The following MAMSTR variants were observed in gnomAD, a reference collection of about 807,000 sequenced individuals.
MAMSTR encodes the protein MEF2 activating motif and SAP domain containing transcriptional regulator, also known as MEF2-activating motif and SAP domain-containing transcriptional regulator.
Under a neutral mutation model 42.7 loss-of-function variants are expected in MAMSTR, and 41 were observed. The ratio of observed to expected loss-of-function variants is 0.96; its 90% CI spans 0.75 to 1.25. MAMSTR has a LOEUF of 1.25. MAMSTR is among the 50% of genes most tolerant of loss of function. The pLI, the probability that MAMSTR is intolerant of heterozygous loss-of-function variation, is 0.00. For missense variants in MAMSTR, 567 were observed against 557.6 expected, an observed-to-expected ratio of 1.02 and a Z score of -0.17; for synonymous variants, 265 against 244.1, an observed-to-expected ratio of 1.09 and a Z score of -0.80.
intron 3 of MAMSTR, among the ~76,000 whole-genome samples, chr19:48,716,246 C>T (rs979212068): frequency 6.6e-6 from 1 of 151,806 alleles, no homozygotes; most frequent in Non-Finnish European, 1.5e-5. Flanking sequence ...CGTGGTGGCA[C>T]GTGCCTGTAA....
At chr19:48,711,380 A>C (rs1016170099), downstream of MAMSTR, among the ~76,000 whole-genome samples, 1 of 152,166 alleles carries the variant, frequency 6.6e-6, no homozygotes, top group Non-Finnish European at 1.5e-5. Context: ...TGCCACACAC[A>C]TCTGATGTGC....
chr19:48,709,210 G>A (rs933881163), downstream of MAMSTR, among the ~76,000 whole-genome samples: 24 of 152,144 alleles, frequency 1.6e-4, no homozygotes, highest in Admixed American at 6.5e-5. Flanking sequence ...GTGCAGCGGC[G>A]TGATGTCGGC....
In MAMSTR at chr19:48,715,460, T is replaced by A; in HGVS notation, c.241-14A>T. The A allele has an allele frequency of 6.8e-7, 1 of 1,480,296 alleles. No homozygotes were observed. The allele number at this position is 1,480,296 out of a possible 1,614,324, so 91.7% of individuals were successfully genotyped here. ...CTTGGGAGACTCCTGAAAGAGCAGG[T>A]GTGATGTTTTAGGCTTCAGCGCGGC... is the stretch of plus-strand genomic sequence containing the variant. On this transcript the variant is annotated splice_polypyrimidine_tract_variant and intron_variant, in intron 4 of 9. Transcript: ENST00000318083.
In MAMSTR at chr19:48,718,996, G is replaced by A. The variant is rs1169524629; in HGVS notation, c.36C>T (p.Ile12=). 2 of 1,550,970 alleles carry A rather than the reference G, an allele frequency of 1.3e-6. No individual in the cohort carries two copies. The highest frequency in any genetic ancestry group is 1.7e-6 in the Non-Finnish European group (2 of 1,146,588). The stretch of plus-strand genomic sequence containing the variant: ...CACCAGATCGGAACTTGGAGCGAAT[G>A]ATTTGGGAACGCTGGGAGGAAGCCG... The part of the protein sequence containing the change: ...TLAASSQRSQ[I]IRSKFRSVLQ... Residue 12 remains isoleucine (I), a synonymous_variant, in exon 2 of 10, where the codon ATC becomes ATT. Transcript: ENST00000318083.
At position 48,713,396 on chromosome 19, in the gene MAMSTR, C is replaced by G. The variant is rs1191116107; in HGVS notation, c.1119G>C (p.Leu373=). Residue 373 remains leucine, a synonymous_variant, in exon 10 of 10, where the codon CTG becomes CTC. Coordinates refer to ENST00000318083, the MANE Select transcript of MAMSTR (RefSeq NM_001130915.2). Reference sequence around the variant, plus strand: ...CCCCGCTCAGGGCCTCCAGCCAGTCCAGGGAGTCCGTGGGGTCCCTGGGAG... The same window carrying G: ...CCCCGCTCAGGGCCTCCAGCCAGTCGAGGGAGTCCGTGGGGTCCCTGGGAG... The part of the protein sequence containing the change: ...SPSPRDPTDS[L]DWLEALSGGP... 6.2e-7 allele frequency: 1 copy of G among 1,613,190 alleles called. No individual in the cohort carries two copies. Among genetic ancestry groups the G allele is most frequent in the African/African-American group, 1.3e-5 (1 of 74,892 alleles).
At chr19:48,718,185 C>T (rs1427716586) in intron 2 of MAMSTR, among the ~76,000 whole-genome samples, 1 of 152,106 alleles carries the variant, frequency 6.6e-6, no homozygotes, top group Non-Finnish European at 1.5e-5. Context: ...CAGGGTTTGT[C>T]CCCCAATTTG....
Position 48,716,907 on chromosome 19 carries a change from G to C in MAMSTR, c.59-164C>G, listed in dbSNP as rs1009804922. 21 of 1,212,050 alleles carry C rather than the reference G, an allele frequency of 1.7e-5. No individual in the cohort carries two copies. In the South Asian group the frequency reaches 3.8e-4, roughly 22 times the overall value. 75.1% of individuals were successfully genotyped at this position (1,212,050 alleles called of 1,614,324 possible). A position where few individuals can be genotyped will look rare whatever the true frequency, so the allele number is the denominator to read the frequency against. ...GGGCGGGCAGCAGGCTCCCTTCCTC[G>C]GGCCTCCCGCCTGCTCCCTGCCAGC... On this transcript the variant is annotated intron_variant, in intron 2 of 9. Transcript: ENST00000318083.
At chr19:48,716,540 T>C (rs1300033005) in intron 3 of MAMSTR, among the ~76,000 whole-genome samples, 165 bp downstream of exon 3, 5 of 152,214 alleles carry the variant, frequency 3.3e-5, no homozygotes, top group South Asian at 4.1e-4. Flanking sequence ...GCCAGAGACC[T>C]GGACCCTGGA....
chr19:48,713,708 G>A lies in MAMSTR; in HGVS notation c.964+8C>T, dbSNP rs2032830061. 6.2e-7 allele frequency: 1 copy of A among 1,614,176 alleles called. No individual in the cohort carries two copies. Among genetic ancestry groups the A allele is most frequent in the Non-Finnish European group, 8.5e-7 (1 of 1,180,014 alleles). ...CACCTCCCCTAAATCTAGCAGTTTG[G>A]ATCCTACCATCAGGCTCCACCTGAT... On this transcript the variant is annotated splice_region_variant and intron_variant, in intron 9 of 9. Coordinates refer to ENST00000318083, the MANE Select transcript of MAMSTR (RefSeq NM_001130915.2).
intron 2 of MAMSTR, among the ~76,000 whole-genome samples, chr19:48,717,460 AT>A (rs2033087674): frequency 6.9e-6 from 1 of 145,930 alleles, no homozygotes; most frequent in South Asian, 2.2e-4. Flanking sequence ...GACTACCTAA[AT>A]TTTTTTGTTT....
downstream of MAMSTR, among the ~76,000 whole-genome samples, chr19:48,711,846 C>G (rs555061719): frequency 3.4e-4 from 51 of 149,120 alleles, 1 homozygote; most frequent in Admixed American, 1.3e-3. Context: ...CCCGGGTTCA[C>G]GCCATTCTCC....
chr19:48,713,540 G>A lies in MAMSTR; in HGVS notation c.975C>T (p.Pro325=). The change falls in exon 10 of 10, where the codon CCC becomes CCT. Residue 325 remains proline (P), a synonymous_variant. Coordinates refer to ENST00000318083, the MANE Select transcript of MAMSTR (RefSeq NM_001130915.2). ...EDQVEPDDPL[P]PIPLDFPGSF... is the part of the protein sequence containing the mutation. ...AGCCAGGGAAGTCCAGGGGAATAGGGGGCAGGGGGTCTGCGGGATAAAGAA... is the reference window on the plus strand; with the variant it reads ...AGCCAGGGAAGTCCAGGGGAATAGGAGGCAGGGGGTCTGCGGGATAAAGAA... The A allele has an allele frequency of 6.2e-7, 1 of 1,610,840 alleles. No individual in the cohort carries two copies.
chr19:48,716,350 TG>T (rs887813145), intron 3 of MAMSTR, among the ~76,000 whole-genome samples: 1 of 120,088 alleles, frequency 8.3e-6, no homozygotes, highest in African/African-American at 3.4e-5. Flanking sequence ...CACTCCAGCC[TG>T]GCGACAGAGC....
In MAMSTR at chr19:48,715,458, GGTGTGAT is replaced by G; in HGVS notation, c.241-19_241-13del. On this transcript the variant is annotated splice_polypyrimidine_tract_variant and intron_variant, in intron 4 of 9. Coordinates refer to ENST00000318083, the MANE Select transcript of MAMSTR (RefSeq NM_001130915.2). ...ATCTTGGGAGACTCCTGAAAGAGCA[GGTGTGAT>G]GTTTTAGGCTTCAGCGCGGCTCCCA... is the stretch of plus-strand genomic sequence containing the variant. 1 of 1,482,370 alleles carries G rather than the reference GGTGTGAT, an allele frequency of 6.7e-7. No individual in the cohort carries two copies. The highest frequency in any genetic ancestry group is 2.5e-5 in the East Asian group (1 of 40,204). The allele number at this position is 1,482,370 out of a possible 1,614,324, so 91.8% of individuals were successfully genotyped here.
chr19:48,712,259 G>A (rs2122258921), downstream of MAMSTR, among the ~76,000 whole-genome samples: 1 of 152,210 alleles, frequency 6.6e-6, no homozygotes, highest in African/African-American at 2.4e-5. Context: ...TCCCAAGACA[G>A]GAAAGACTCC....
At chr19:48,718,133 G>A (rs1358565794) in intron 2 of MAMSTR, among the ~76,000 whole-genome samples, 3 of 152,288 alleles carry the variant, frequency 2.0e-5, no homozygotes, top group African/African-American at 7.2e-5. Context: ...AAGAGCCACC[G>A]CGCCCCACCT....
At chr19:48,716,943 G>A (rs1317875044) in intron 2 of MAMSTR, 200 bp from the exon 3 acceptor site, 20 of 1,189,854 alleles carry the variant, frequency 1.7e-5, no homozygotes, top group East Asian at 3.5e-5. Flanking sequence ...GCAGCGCCGC[G>A]GGCCAGCGCC....
At chr19:48,709,549 T>C (rs975665405), downstream of MAMSTR, among the ~76,000 whole-genome samples, 7 of 152,246 alleles carry the variant, frequency 4.6e-5, no homozygotes, top group African/African-American at 1.7e-4. Flanking sequence ...CCCCAGCTTG[T>C]GTGCTTGGTG....
chr19:48,707,841 A>AAGAAAG (rs1555755171), downstream of MAMSTR, among the ~76,000 whole-genome samples: 2 of 65,592 alleles, frequency 3.0e-5, no homozygotes, highest in Non-Finnish European at 6.8e-5. Context: ...AAAGAAAGGA[A>AAGAAAG]AGAAAGAAAG....
Sources: allele counts gnomAD v4.1 joint callset (sites outside exome capture counted in the v4.1 genomes callset), GRCh38; gene constraint gnomAD v4.1.1; transcripts MANE v1.5; gene names NCBI Gene and HGNC (gene_info 2026-07-23, HGNC 2026-07-21).